Variants in RUFY3 observed in about 807,000 individuals in gnomAD.
The protein encoded by RUFY3 is protein RUFY3.
Under a neutral mutation model 84.0 loss-of-function variants are expected in RUFY3, and 34 were observed. The observed-to-expected ratio is 0.40, with a 90% CI of 0.31 to 0.54. The LOEUF (loss-of-function observed/expected upper bound fraction) is 0.54. Ranked by LOEUF, RUFY3 falls within the 20% of genes least tolerant of loss-of-function variation. The probability of loss-of-function intolerance (pLI) is 0.39; values close to 1 mark genes in which losing one functional copy is unlikely to be tolerated. For synonymous variants in RUFY3, 242 were observed against 252.9 expected, an observed-to-expected ratio of 0.96 and a Z score of 0.41; for missense variants, 507 against 736.8, an observed-to-expected ratio of 0.69 and a Z score of 3.61.
chr4:70,711,163 T>TG (rs1219843031), intron 1 of RUFY3, among the ~76,000 whole-genome samples: 1 of 151,858 alleles, frequency 6.6e-6, no homozygotes, highest in African/African-American at 2.4e-5. Flanking sequence ...CTCACTGTGT[T>TG]GCCCAGGCTG....
intron 14 of RUFY3, among the ~76,000 whole-genome samples, chr4:70,796,053 G>A (rs1223797098): frequency 1.3e-5 from 2 of 152,164 alleles, no homozygotes; most frequent in Non-Finnish European, 2.9e-5. Context: ...TTAGCCAGGT[G>A]TGGTGGCACA....
intron 1 of RUFY3, among the ~76,000 whole-genome samples, chr4:70,759,704 G>A (rs1200795059): frequency 6.6e-6 from 1 of 152,008 alleles, no homozygotes; most frequent in Non-Finnish European, 1.5e-5. Flanking sequence ...TGTCTTGTTA[G>A]TAATAGCCAT....
intron 14 of RUFY3, 32 bp downstream of exon 14, chr4:70,794,926 T>TA (rs1410371995): frequency 7.1e-7 from 1 of 1,410,966 alleles, no homozygotes; most frequent in Non-Finnish European, 1.0e-6. Flanking sequence ...TTCTTTTACT[T>TA]AATTTCAGTT....
At chr4:70,705,629 C>A (rs1355869289) in intron 1 of RUFY3, among the ~76,000 whole-genome samples, 1 of 152,150 alleles carries the variant, frequency 6.6e-6, no homozygotes, top group South Asian at 2.1e-4. Flanking sequence ...GGCCTGCCTG[C>A]CCCCCTCCAC....
At chr4:70,766,567 T>G (rs1023740821) in intron 4 of RUFY3, among the ~76,000 whole-genome samples, 1 of 152,160 alleles carries the variant, frequency 6.6e-6, no homozygotes, top group Non-Finnish European at 1.5e-5. Flanking sequence ...TTAAAAAATC[T>G]AAAAGACTAT....
intron 10 of RUFY3, among the ~76,000 whole-genome samples, chr4:70,788,433 T>G (rs1047740304): frequency 1.3e-5 from 2 of 152,164 alleles, no homozygotes; most frequent in African/African-American, 4.8e-5. Flanking sequence ...GGACTGCAAC[T>G]GCTTCATTTT....
intron 5 of RUFY3, 32 bp downstream of exon 5, chr4:70,768,693 C>T: frequency 6.2e-7 from 1 of 1,606,698 alleles, no homozygotes; most frequent in Non-Finnish European, 8.5e-7. Context: ...CCATGGGTGT[C>T]ACTCTGAGTT....
chr4:70,787,536 C>T (rs188368338), intron 10 of RUFY3, among the ~76,000 whole-genome samples: 30 of 152,072 alleles, frequency 2.0e-4, no homozygotes, highest in Non-Finnish European at 4.4e-5. Context: ...GCTGGGATTA[C>T]AGGTGTGAGC....
At chr4:70,708,728 T>A (rs1020930026) in intron 1 of RUFY3, among the ~76,000 whole-genome samples, 1 of 152,182 alleles carries the variant, frequency 6.6e-6, no homozygotes, top group African/African-American at 2.4e-5. Flanking sequence ...GCTCTGTTTT[T>A]AAATAACAGT....
chr4:70,791,389 C>A, intron 12 of RUFY3: 2 of 1,546,108 alleles, frequency 1.3e-6, no homozygotes, highest in Non-Finnish European at 1.7e-6. Flanking sequence ...AGCTCTGATT[C>A]TATATAAAAT....
chr4:70,792,976 T>A (rs1731051708), intron 12 of RUFY3: 3 of 985,450 alleles, frequency 3.0e-6, no homozygotes, highest in Non-Finnish European at 3.6e-6. Context: ...ATACCGAAAT[T>A]GAACTTTCTA....
At chr4:70,776,379 T>C (rs1727969669) in intron 7 of RUFY3, among the ~76,000 whole-genome samples, 1 of 152,234 alleles carries the variant, frequency 6.6e-6, no homozygotes, top group Non-Finnish European at 1.5e-5. Flanking sequence ...TTCTCAGGTT[T>C]TTTTCCCCCT....
chr4:70,758,970 G>A (rs887737333), intron 1 of RUFY3, among the ~76,000 whole-genome samples: 3 of 151,960 alleles, frequency 2.0e-5, no homozygotes, highest in Non-Finnish European at 4.4e-5. Flanking sequence ...CCCGGGAGGC[G>A]GAGCTTGCAG....
Position 70,793,859 on chromosome 4 carries a change from A to G in RUFY3, c.1412A>G (p.Lys471Arg). The G allele has an allele frequency of 1.9e-6, 3 of 1,614,164 alleles. No individual in the cohort carries two copies. Among genetic ancestry groups the G allele is most frequent in the East Asian group, 2.2e-5 (1 of 44,884 alleles). The change falls in exon 13 of 18, where the codon AAG (lysine) becomes AGG (arginine). Residue 471 changes from lysine (K) to arginine (R), a missense_variant. Physicochemically the swap from Lys to Arg is conservative, Grantham distance 26. Coordinates refer to ENST00000381006, the MANE Select transcript of RUFY3 (RefSeq NM_001037442.4). ...CTCTTCAAACAGGACTTTGGAGACA[A>G]GATCAACAGTCTGCAGCTGGAAGTC... is the stretch of plus-strand genomic sequence containing the variant. Reference protein sequence around the residue: ...NRLFKQDFGDKINSLQLEVEE... With the variant: ...NRLFKQDFGDRINSLQLEVEE...
intron 6 of RUFY3, among the ~76,000 whole-genome samples, chr4:70,774,670 T>TATATAA (rs766227141): frequency 6.5e-4 from 53 of 81,040 alleles, no homozygotes; most frequent in African/African-American, 2.5e-3. Context: ...TATATATATA[T>TATATAA]AAAATAAACA....
chr4:70,802,903 A>G (rs1732410104), intron 15 of RUFY3, 53 bp from the exon 16 acceptor site: 1 of 1,356,266 alleles, frequency 7.4e-7, no homozygotes, highest in Non-Finnish European at 1.0e-6. Context: ...AATGATATAA[A>G]TGAAAATACA....
intron 8 of RUFY3, among the ~76,000 whole-genome samples, chr4:70,782,526 G>A (rs1025966120): frequency 1.6e-4 from 24 of 151,866 alleles, no homozygotes; most frequent in Non-Finnish European, 2.8e-4. Context: ...CTCGTGATCC[G>A]CTCGCATCAG....
intron 1 of RUFY3, among the ~76,000 whole-genome samples, chr4:70,706,592 C>T (rs1293654428): frequency 6.6e-6 from 1 of 152,112 alleles, no homozygotes; most frequent in African/African-American, 2.4e-5. Flanking sequence ...ACAAGAGATC[C>T]AAAACTGTGA....
intron 1 of RUFY3, among the ~76,000 whole-genome samples, chr4:70,715,628 C>T (rs554052879): frequency 1.0e-3 from 147 of 144,780 alleles, no homozygotes; most frequent in African/African-American, 3.5e-3. Flanking sequence ...CCCTTTCATG[C>T]TAACAGCAAC....
Sources: allele counts gnomAD v4.1 joint callset (sites outside exome capture counted in the v4.1 genomes callset), GRCh38; gene constraint gnomAD v4.1.1; transcripts MANE v1.5; gene names NCBI Gene and HGNC (gene_info 2026-07-23, HGNC 2026-07-21).